Variants in SND1 observed in about 807,000 individuals in gnomAD.
SND1 encodes the protein staphylococcal nuclease and tudor domain containing 1.
SND1 carries 38 observed loss-of-function variants against 121.7 expected under a neutral mutation model. The ratio of observed to expected loss-of-function variants is 0.31; its 90% CI spans 0.24 to 0.41. The LOEUF is 0.41. Ranked by LOEUF, SND1 falls within the 10% of genes least tolerant of loss-of-function variation. SND1 has a pLI of 1.00. For missense variants in SND1, 868 were observed against 1,184.6 expected (o/e 0.73, Z 3.92); for synonymous variants, 401 against 447.4 (o/e 0.90, Z 1.31).
intron 16 of SND1, among the ~76,000 whole-genome samples, chr7:128,048,398 G>C (rs552775067): frequency 6.6e-6 from 1 of 152,158 alleles, no homozygotes; most frequent in Non-Finnish European, 1.5e-5. Context: ...TGCCTTGTGG[G>C]CATTTGTGGG....
intron 16 of SND1, among the ~76,000 whole-genome samples, chr7:128,046,718 G>A (rs569432328): frequency 1.4e-4 from 21 of 152,130 alleles, no homozygotes; most frequent in African/African-American, 4.3e-4. Flanking sequence ...CTCAGCCTCC[G>A]TTAAGTGCTG....
chr7:127,929,127 A>G, intron 14 of SND1, 61 bp from the exon 15 acceptor site: 1 of 1,569,186 alleles, frequency 6.4e-7, no homozygotes, highest in Non-Finnish European at 8.7e-7. Context: ...CCTAGACTAT[A>G]AAGAAAGAAA....
chr7:128,028,094 T>C (rs1190495104), intron 16 of SND1: 1 of 152,690 alleles, frequency 6.5e-6, no homozygotes, highest in Non-Finnish European at 1.5e-5. Flanking sequence ...CTGCTTAAAA[T>C]ACATGTACAG....
intron 12 of SND1, among the ~76,000 whole-genome samples, chr7:127,870,608 G>A (rs1799567564): frequency 6.6e-6 from 1 of 152,118 alleles, no homozygotes; most frequent in Non-Finnish European, 1.5e-5. Context: ...AAGTATTTGT[G>A]TATGTAAACA....
intron 14 of SND1, among the ~76,000 whole-genome samples, chr7:127,917,434 TCTCTTTA>T (rs1800607300): frequency 6.6e-6 from 1 of 152,218 alleles, no homozygotes; most frequent in African/African-American, 2.4e-5. Context: ...TACAAGTTGC[TCTCTTTA>T]CTAGGAACAA....
At chr7:127,663,000 C>G (rs1294507022) in intron 1 of SND1, among the ~76,000 whole-genome samples, 1 of 151,492 alleles carries the variant, frequency 6.6e-6, no homozygotes, top group Non-Finnish European at 1.5e-5. Context: ...AGGTGATCCT[C>G]CCACCTCAGC....
At chr7:127,886,382 G>C (rs1799909534) in intron 12 of SND1, among the ~76,000 whole-genome samples, 2 of 151,664 alleles carry the variant, frequency 1.3e-5, no homozygotes, top group African/African-American at 4.8e-5. Context: ...ACAGATACTG[G>C]TTGGTTCAGC....
intron 22 of SND1, among the ~76,000 whole-genome samples, chr7:128,091,485 T>C (rs186881404): frequency 6.6e-6 from 1 of 151,990 alleles, no homozygotes; most frequent in Non-Finnish European, 1.5e-5. Flanking sequence ...GCAGCAATTA[T>C]AGGCATGAGC....
intron 16 of SND1, among the ~76,000 whole-genome samples, chr7:128,007,668 G>A (rs1165363289): frequency 6.6e-6 from 1 of 152,170 alleles, no homozygotes; most frequent in African/African-American, 2.4e-5. Context: ...AGTTATAGAC[G>A]TTTCTTTGTC....
chr7:127,930,411 C>A (rs1800937814), intron 15 of SND1, among the ~76,000 whole-genome samples: 1 of 152,196 alleles, frequency 6.6e-6, no homozygotes, highest in Non-Finnish European at 1.5e-5. Context: ...CAGGCCCCAA[C>A]TAAATGGATT....
chr7:127,926,692 A>G (rs1800845205), intron 14 of SND1, among the ~76,000 whole-genome samples: 3 of 151,162 alleles, frequency 2.0e-5, no homozygotes, highest in Admixed American at 2.0e-4. Flanking sequence ...AGCTGGGACT[A>G]CAGGTGCCCA....
chr7:127,711,946 T>A (rs953996698), intron 9 of SND1, among the ~76,000 whole-genome samples: 2 of 147,364 alleles, frequency 1.4e-5, no homozygotes, highest in Non-Finnish European at 3.0e-5. Context: ...CGAAATTGAT[T>A]TTTTTTTTTT....
Position 128,086,925 on chromosome 7 carries a change from G to A in SND1, c.2305-13G>A. ...CGAGTATGTGACATGTTGGCCTGCT[G>A]CTTCCTCTGCAGAGAGAGGTCCTGC... On this transcript the variant is annotated splice_polypyrimidine_tract_variant and intron_variant, in intron 20 of 23. Transcript: ENST00000354725. The A allele has an allele frequency of 6.2e-7, 1 of 1,605,920 alleles. No homozygotes were observed. Among genetic ancestry groups the A allele is most frequent in the Non-Finnish European group, 8.5e-7 (1 of 1,172,718 alleles).
chr7:127,726,642 C>T (rs923761811), intron 10 of SND1, among the ~76,000 whole-genome samples: 1 of 152,118 alleles, frequency 6.6e-6, no homozygotes, highest in African/African-American at 2.4e-5. Context: ...CTCTATTGCC[C>T]AGGGCTGCTG....
intron 10 of SND1, among the ~76,000 whole-genome samples, chr7:127,747,037 T>C (rs578247126): frequency 1.3e-5 from 2 of 152,324 alleles, no homozygotes; most frequent in East Asian, 3.9e-4. Context: ...TTGGGGATAA[T>C]TGAGAATAAA....
chr7:127,707,532 T>A (rs961529963), intron 8 of SND1, 25 bp from the exon 9 acceptor site: 8 of 1,605,058 alleles, frequency 5.0e-6, no homozygotes, highest in African/African-American at 1.3e-5. Context: ...GTCTGAATGA[T>A]CTTGCATCCT....
intron 10 of SND1, among the ~76,000 whole-genome samples, chr7:127,771,945 C>T (rs1049087310): frequency 3.9e-5 from 6 of 152,122 alleles, no homozygotes; most frequent in African/African-American, 2.4e-5. Context: ...GTGTGTTATT[C>T]ACTGTTCATC....
intron 13 of SND1, among the ~76,000 whole-genome samples, chr7:127,889,700 C>T (rs575203056): frequency 2.1e-4 from 32 of 151,882 alleles, no homozygotes; most frequent in Non-Finnish European, 4.4e-4. Flanking sequence ...CCTTTGGTAA[C>T]CTCTCTACTC....
intron 10 of SND1, among the ~76,000 whole-genome samples, chr7:127,752,951 C>T (rs1224583822): frequency 6.6e-6 from 1 of 152,182 alleles, no homozygotes; most frequent in Non-Finnish European, 1.5e-5. Flanking sequence ...TCCTTGTCTT[C>T]CATCGTTGTC....
Sources: allele counts gnomAD v4.1 joint callset (sites outside exome capture counted in the v4.1 genomes callset), GRCh38; gene constraint gnomAD v4.1.1; transcripts MANE v1.5; gene names NCBI Gene and HGNC (gene_info 2026-07-23, HGNC 2026-07-21).